The following ARHGEF28 variants were observed in gnomAD, a reference collection of about 807,000 sequenced individuals.
ARHGEF28 encodes the protein 190 kDa guanine nucleotide exchange factor.
ARHGEF28 carries 152 observed loss-of-function variants against 206.6 expected under a neutral mutation model. That is an observed-to-expected ratio of 0.74 (90% confidence interval 0.64 to 0.84). ARHGEF28 has a LOEUF of 0.84. Among genes scored for constraint, ARHGEF28 ranks in the 40% least tolerant of loss-of-function variants. The pLI is 0.00. For synonymous variants in ARHGEF28, 763 were observed against 776.4 expected, an observed-to-expected ratio of 0.98 and a Z score of 0.29; for missense variants, 2,028 against 2,073.2, an observed-to-expected ratio of 0.98 and a Z score of 0.42.
At chr5:73,677,405 G>T (rs1206942323) in intron 1 of ARHGEF28, among the ~76,000 whole-genome samples, 1 of 152,106 alleles carries the variant, frequency 6.6e-6, no homozygotes, top group African/African-American at 2.4e-5. Context: ...TTTGTAAAAG[G>T]CACACAAACC....
chr5:73,873,888 C>T lies in ARHGEF28; in HGVS notation c.2814+642C>T, dbSNP rs1343942302. Among the ~76,000 whole-genome samples the T allele has an allele frequency of 2.0e-5, 3 of 150,556 alleles. No homozygotes were observed. The East Asian group carries it at 5.8e-4, about 29-fold the overall frequency. ...GCTTTCATTTTTCTGGGATAAATGCCCAGGAATGCAATTTCTGGGTTGTAT... is the reference window on the plus strand; with the variant it reads ...GCTTTCATTTTTCTGGGATAAATGCTCAGGAATGCAATTTCTGGGTTGTAT... On this transcript the variant is annotated intron_variant, in intron 22 of 35. Transcript: ENST00000513042.
At chr5:73,801,259 A>T (rs549980028) in intron 9 of ARHGEF28, among the ~76,000 whole-genome samples, 2 of 151,972 alleles carry the variant, frequency 1.3e-5, no homozygotes, top group Non-Finnish European at 2.9e-5. Context: ...ATCCTGGCTA[A>T]CATGGTGAAA....
chr5:73,764,829 T>G (rs16870823), intron 4 of ARHGEF28, among the ~76,000 whole-genome samples: 1 of 152,162 alleles, frequency 6.6e-6, no homozygotes, highest in African/African-American at 2.4e-5. Context: ...AAAGGCTGAT[T>G]TGTTTATCTA....
chr5:73,635,270 G>C (rs964326007), intron 1 of ARHGEF28, among the ~76,000 whole-genome samples: 4 of 152,178 alleles, frequency 2.6e-5, no homozygotes, highest in Admixed American at 2.6e-4. Flanking sequence ...TTGAACCCAG[G>C]GGGCGGAGGT....
chr5:73,638,535 C>T (rs1023319921), intron 1 of ARHGEF28, among the ~76,000 whole-genome samples: 1 of 152,138 alleles, frequency 6.6e-6, no homozygotes, highest in Admixed American at 6.6e-5. Flanking sequence ...ACATTGAAGA[C>T]CACAGCTTAA....
At chr5:73,894,042 C>A (rs1761810296) in intron 28 of ARHGEF28, among the ~76,000 whole-genome samples, 1 of 152,210 alleles carries the variant, frequency 6.6e-6, no homozygotes, top group South Asian at 2.1e-4. Context: ...TCATCATGGA[C>A]AGGGCCGCCT....
chr5:73,720,818 C>G (rs557219194), intron 2 of ARHGEF28, among the ~76,000 whole-genome samples: 1 of 152,196 alleles, frequency 6.6e-6, no homozygotes, highest in Non-Finnish European at 1.5e-5. Flanking sequence ...AACCCCACAA[C>G]AACCTAAAGT....
intron 16 of ARHGEF28, among the ~76,000 whole-genome samples, chr5:73,859,956 A>G (rs1160925505): frequency 1.3e-5 from 2 of 152,212 alleles, no homozygotes; most frequent in Admixed American, 1.3e-4. Flanking sequence ...ACTGCTTAAC[A>G]GAAGTTCTGC....
intron 35 of ARHGEF28, among the ~76,000 whole-genome samples, chr5:73,913,935 A>T (rs1439350143): frequency 6.6e-6 from 1 of 152,222 alleles, no homozygotes; most frequent in African/African-American, 2.4e-5. Context: ...CTAGTCTGGT[A>T]CTGTGGATAG....
chr5:73,634,603 C>G (rs1186747145), intron 1 of ARHGEF28, among the ~76,000 whole-genome samples: 1 of 152,130 alleles, frequency 6.6e-6, no homozygotes. Context: ...TCTCCTGTAT[C>G]GAATCCCTCT....
At chr5:73,888,208 C>T (rs531679962) in intron 26 of ARHGEF28, among the ~76,000 whole-genome samples, 1 of 152,230 alleles carries the variant, frequency 6.6e-6, no homozygotes, top group Non-Finnish European at 1.5e-5. Flanking sequence ...CAAGGGATAC[C>T]ATCCTGATGC....
chr5:73,796,195 C>T (rs1048342429), intron 9 of ARHGEF28, among the ~76,000 whole-genome samples: 2 of 152,158 alleles, frequency 1.3e-5, no homozygotes, highest in Admixed American at 6.5e-5. Flanking sequence ...GTTTGGGCAC[C>T]TGGATGTCTG....
At chr5:73,736,184 G>T (rs1227485259) in intron 2 of ARHGEF28, among the ~76,000 whole-genome samples, 1 of 152,206 alleles carries the variant, frequency 6.6e-6, no homozygotes, top group Non-Finnish European at 1.5e-5. Flanking sequence ...AGTACTCAAT[G>T]GATACTCATG....
Position 73,941,642 on chromosome 5 carries a change from A to C in ARHGEF28, c.*629A>C, listed in dbSNP as rs3749636. 0.051 allele frequency: 7,816 copies of C among 152,296 alleles called. 495 individuals are homozygous for C. Among genetic ancestry groups the C allele is most frequent in the African/African-American group, 0.14 (6,016 of 41,498 alleles). 9.4% of individuals were successfully genotyped at this position (152,296 alleles called of 1,614,324 possible). A position where few individuals can be genotyped will look rare whatever the true frequency, so the allele number is the denominator to read the frequency against. On this transcript the variant is annotated 3_prime_UTR_variant, in exon 36 of 36. Coordinates refer to ENST00000513042, the MANE Select transcript of ARHGEF28 (RefSeq NM_001177693.2). Reference sequence around the variant, plus strand: ...GTGGGGTTTCAAGACATGGTTCAGCATCATCTTTTAACAAGGCCCAGAGGC... The same window carrying C: ...GTGGGGTTTCAAGACATGGTTCAGCCTCATCTTTTAACAAGGCCCAGAGGC...
intron 7 of ARHGEF28, among the ~76,000 whole-genome samples, chr5:73,792,904 A>G (rs908037621): frequency 4.6e-5 from 7 of 151,952 alleles, no homozygotes; most frequent in African/African-American, 1.7e-4. Flanking sequence ...TGACATTCCT[A>G]CCTCTGGCAA....
chr5:73,755,271 G>A (rs1752243660), intron 4 of ARHGEF28, among the ~76,000 whole-genome samples: 1 of 151,822 alleles, frequency 6.6e-6, no homozygotes, highest in Non-Finnish European at 1.5e-5. Context: ...AAGCCTCTTG[G>A]ATTTTTAAAA....
At chr5:73,665,009 T>C (rs760293980) in intron 1 of ARHGEF28, among the ~76,000 whole-genome samples, 53 of 152,158 alleles carry the variant, frequency 3.5e-4, no homozygotes, top group Non-Finnish European at 3.7e-4. Flanking sequence ...CCAAGGCCTG[T>C]CCATTTTGTC....
intron 1 of ARHGEF28, among the ~76,000 whole-genome samples, chr5:73,667,582 T>C (rs1746037800): frequency 6.6e-6 from 1 of 152,230 alleles, no homozygotes; most frequent in Non-Finnish European, 1.5e-5. Context: ...CTGGCTTCCT[T>C]CTATCCGTAT....
chr5:73,883,710 C>A, intron 23 of ARHGEF28, 57 bp from the exon 24 acceptor site: 1 of 1,133,210 alleles, frequency 8.8e-7, no homozygotes, highest in South Asian at 1.7e-5. Context: ...GTTACATTCA[C>A]ACCTGAAAAG....
Sources: gnomAD v4.1 joint callset for allele counts (sites outside exome capture counted in the v4.1 genomes callset) on GRCh38, gnomAD v4.1.1 for gene constraint, MANE v1.5 for transcripts, NCBI Gene and HGNC (gene_info 2026-07-23, HGNC 2026-07-21) for gene names.